KAT6B: variants seen among roughly 807,000 people sequenced by gnomAD.
KAT6B encodes the protein lysine acetyltransferase 6B, also known as histone acetyltransferase KAT6B.
A neutral mutation model predicts 187.5 loss-of-function variants in KAT6B; 10 were observed. The observed-to-expected ratio is 0.05, with a 90% CI of 0.03 to 0.09. The LOEUF (loss-of-function observed/expected upper bound fraction) is 0.09, where lower values mean the gene tolerates loss of function less well. Ranked by LOEUF, KAT6B falls within the 10% of genes least tolerant of loss-of-function variation. KAT6B has a pLI of 1.00. For synonymous variants in KAT6B, 861 were observed against 926.8 expected (o/e 0.93, Z 1.29); for missense variants, 1,952 against 2,558.9 (o/e 0.76, Z 5.12).
At chr10:74,953,216 T>C (rs1343147492) in intron 3 of KAT6B, among the ~76,000 whole-genome samples, 2 of 152,114 alleles carry the variant, frequency 1.3e-5, no homozygotes. Flanking sequence ...AAGATTAATA[T>C]TCATCATGGG....
intron 3 of KAT6B, among the ~76,000 whole-genome samples, chr10:74,944,892 A>T (rs529955711): frequency 7.9e-5 from 12 of 152,090 alleles, no homozygotes; most frequent in Non-Finnish European, 1.5e-4. Context: ...GCCAAAATTA[A>T]AAACACTGAT....
At chr10:74,914,667 G>A (rs1589611364) in intron 3 of KAT6B, among the ~76,000 whole-genome samples, 1 of 152,300 alleles carries the variant, frequency 6.6e-6, no homozygotes, top group African/African-American at 2.4e-5. Context: ...TAAAAGGGCT[G>A]CATAGTTAGG....
At chr10:74,886,562 G>A (rs1028651463) in intron 3 of KAT6B, among the ~76,000 whole-genome samples, 3 of 152,124 alleles carry the variant, frequency 2.0e-5, no homozygotes, top group Non-Finnish European at 2.9e-5. Flanking sequence ...CCGCTCCCCC[G>A]TGCCCCACAT....
At chr10:74,968,677 A>G (rs946944128) in intron 4 of KAT6B, among the ~76,000 whole-genome samples, 11 of 152,168 alleles carry the variant, frequency 7.2e-5, no homozygotes, top group African/African-American at 2.7e-4. Context: ...CATGGGATTT[A>G]CTAATGTTCT....
At chr10:74,950,255 A>C (rs1840227173) in intron 3 of KAT6B, among the ~76,000 whole-genome samples, 1 of 152,204 alleles carries the variant, frequency 6.6e-6, no homozygotes, top group African/African-American at 2.4e-5. Flanking sequence ...ATAAAACAAA[A>C]GGGTACAGGA....
At chr10:74,943,965 C>G (rs1481899689) in intron 3 of KAT6B, among the ~76,000 whole-genome samples, 1 of 152,114 alleles carries the variant, frequency 6.6e-6, no homozygotes, top group Admixed American at 6.5e-5. Flanking sequence ...GACAAACAAC[C>G]CAATTAAACA....
In KAT6B at chr10:74,842,817, T is replaced by G; in HGVS notation, c.-41T>G. The G allele has an allele frequency of 1.9e-6, 3 of 1,610,966 alleles. No individual in the cohort carries two copies. The highest frequency in any genetic ancestry group is 2.5e-6 in the Non-Finnish European group (3 of 1,178,728). ...AGTTCTGTTAAATACAAAGAGAACC[T>G]CTATGGGTAACTTTTGTGTTGAAGA... On this transcript the variant is annotated 5_prime_UTR_variant, in exon 3 of 18. Coordinates refer to ENST00000287239, the MANE Select transcript of KAT6B (RefSeq NM_012330.4).
At chr10:75,011,685 G>A (rs1589805245) in intron 13 of KAT6B, among the ~76,000 whole-genome samples, 4 of 152,190 alleles carry the variant, frequency 2.6e-5, no homozygotes, top group Admixed American at 2.6e-4. Flanking sequence ...ATTGAAGGAT[G>A]AATCTATATC....
chr10:74,831,857 C>A (rs1840887860), intron 1 of KAT6B, among the ~76,000 whole-genome samples: 1 of 152,180 alleles, frequency 6.6e-6, no homozygotes, highest in Non-Finnish European at 1.5e-5. Context: ...AGTAGCATGT[C>A]CAATATCCCC....
At chr10:74,837,303 A>G (rs1217642116) in intron 1 of KAT6B, among the ~76,000 whole-genome samples, 1 of 152,238 alleles carries the variant, frequency 6.6e-6, no homozygotes, top group Non-Finnish European at 1.5e-5. Context: ...GATATTTTGT[A>G]GTTAAAAATA....
chr10:74,928,198 G>A (rs910502358), intron 3 of KAT6B, among the ~76,000 whole-genome samples: 1 of 152,158 alleles, frequency 6.6e-6, no homozygotes, highest in African/African-American at 2.4e-5. Flanking sequence ...AGTATCCATT[G>A]TTTGACTGTG....
rs141811045 is a variant in KAT6B at position 74,927,909 on chromosome 10, G to T, written c.622-32061G>T. On this transcript the variant is annotated intron_variant, in intron 3 of 17. Transcript: ENST00000287239. Reference sequence around the variant, plus strand: ...AAACTCGCAAGAGAATACTCCACAGGCTTATGTAAGCCAAACCAGATCATG... The same window carrying T: ...AAACTCGCAAGAGAATACTCCACAGTCTTATGTAAGCCAAACCAGATCATG... Among the ~76,000 whole-genome samples the T allele has an allele frequency of 3.9e-3, 596 of 152,220 alleles. 2 individuals carry two copies. The highest frequency in any genetic ancestry group is 0.013 in the African/African-American group (554 of 41,542).
intron 3 of KAT6B, among the ~76,000 whole-genome samples, chr10:74,917,258 T>G (rs1170522725): frequency 1.3e-5 from 2 of 152,218 alleles, no homozygotes; most frequent in Non-Finnish European, 2.9e-5. Context: ...TTATGCAGTT[T>G]CCCTGATAAC....
chr10:75,026,998 T>C (rs967936229), intron 17 of KAT6B, among the ~76,000 whole-genome samples: 3 of 151,868 alleles, frequency 2.0e-5, no homozygotes, highest in Non-Finnish European at 4.4e-5. Flanking sequence ...ATTAGCTGGG[T>C]GTGGTGATGC....
chr10:74,830,249 G>A (rs1321654344), intron 1 of KAT6B, among the ~76,000 whole-genome samples: 1 of 152,062 alleles, frequency 6.6e-6, no homozygotes, highest in Non-Finnish European at 1.5e-5. Context: ...ACCCCAGAAA[G>A]AGAATACACC....
chr10:75,005,391 T>C (rs917433049), intron 13 of KAT6B, among the ~76,000 whole-genome samples: 9 of 151,824 alleles, frequency 5.9e-5, no homozygotes, highest in African/African-American at 2.2e-4. Context: ...GTAATTTTTG[T>C]ATTTTTAGTA....
chr10:74,842,781 T>C lies in KAT6B; in HGVS notation c.-77T>C. 6.6e-7 allele frequency: 1 copy of C among 1,506,166 alleles called. No homozygotes were observed. The highest frequency in any genetic ancestry group is 9.2e-7 in the Non-Finnish European group (1 of 1,088,006). The allele number at this position is 1,506,166 out of a possible 1,614,324, so 93.3% of individuals were successfully genotyped here. A position where few individuals can be genotyped will look rare whatever the true frequency, so the allele number is the denominator to read the frequency against. On this transcript the variant is annotated 5_prime_UTR_variant, in exon 3 of 18. Transcript: ENST00000287239. Reference sequence around the variant, plus strand: ...CCATTTGTTGAATTGTAAATGACTTTCAAATGTGCAAGTTCTGTTAAATAC... The same window carrying C: ...CCATTTGTTGAATTGTAAATGACTTCCAAATGTGCAAGTTCTGTTAAATAC...
At position 75,030,364 on chromosome 10, in the gene KAT6B, C is replaced by T. The variant is rs1313845604; in HGVS notation, c.5540C>T (p.Ala1847Val). Reference protein sequence around the residue: ...SAAVTSYANSASLSTPLSNTG... With the variant: ...SAAVTSYANSVSLSTPLSNTG... ...GCTGTGACTTCCTATGCAAACAGTG[C>T]CTCTTTGTCCACACCATTAAGTAAC... The change falls in exon 18 of 18, where the codon GCC (alanine) becomes GTC (valine). Residue 1847 changes from alanine (A) to valine (V), a missense_variant. This residue lies in a region of KAT6B where 358 missense variants were observed against 436.3 expected (regional missense o/e 0.82). Transcript: ENST00000287239. The surrounding 1 kb of genome is among the most constrained non-coding windows in gnomAD (Gnocchi z 4.8). The T allele has an allele frequency of 6.2e-7, 1 of 1,614,098 alleles. No individual in the cohort carries two copies. Among genetic ancestry groups the T allele is most frequent in the East Asian group, 2.2e-5 (1 of 44,904 alleles).
intron 3 of KAT6B, among the ~76,000 whole-genome samples, chr10:74,930,075 A>G (rs1161481385): frequency 1.3e-5 from 2 of 151,938 alleles, no homozygotes; most frequent in Admixed American, 6.6e-5. Flanking sequence ...ACCTGCCGCC[A>G]TACCTGGCTA....
Sources: gnomAD v4.1 joint callset for allele counts (sites outside exome capture counted in the v4.1 genomes callset) on GRCh38, gnomAD v4.1.1 for gene constraint, gnomAD v4.1.1 regional missense constraint, Gnocchi (gnomAD v3.1) non-coding constraint, MANE v1.5 for transcripts, NCBI Gene and HGNC (gene_info 2026-07-23, HGNC 2026-07-21) for gene names.